Variants in PSMD12 observed in about 807,000 individuals in gnomAD.
PSMD12 encodes the protein proteasome 26S subunit, non-ATPase 12, also known as 26S proteasome non-ATPase regulatory subunit 12.
In PSMD12, 8 loss-of-function variants were observed where a neutral mutation model predicts 62.9. The observed-to-expected ratio is 0.13, with a 90% CI of 0.07 to 0.23. The LOEUF (loss-of-function observed/expected upper bound fraction) is 0.23. Among genes scored for constraint, PSMD12 ranks in the 10% least tolerant of loss-of-function variants. PSMD12 has a pLI of 1.00. For synonymous variants in PSMD12, 173 were observed against 187.4 expected, an observed-to-expected ratio of 0.92 and a Z score of 0.63; for missense variants, 424 against 550.2, an observed-to-expected ratio of 0.77 and a Z score of 2.29.
intron 7 of PSMD12, 58 bp downstream of exon 7, chr17:67,347,054 TAAAA>T: frequency 6.6e-7 from 1 of 1,509,074 alleles, no homozygotes; most frequent in Non-Finnish European, 8.9e-7. Context: ...GATTTGAAAA[TAAAA>T]AAAGCAAATT....
At chr17:67,356,006 A>ACACG (rs1327082401) in intron 3 of PSMD12, among the ~76,000 whole-genome samples, 10 of 149,286 alleles carry the variant, frequency 6.7e-5, no homozygotes, top group African/African-American at 2.5e-4. Flanking sequence ...ACACACACAC[A>ACACG]CACGCACACA....
At chr17:67,342,063 G>T in intron 10 of PSMD12, 123 bp downstream of exon 10, 1 of 738,510 alleles carries the variant, frequency 1.4e-6, no homozygotes, top group Non-Finnish European at 2.2e-6. Context: ...GATTGCTTGG[G>T]AAACTATTAC....
At chr17:67,356,580 A>AAAAAAAAG (rs2042076218) in intron 3 of PSMD12, among the ~76,000 whole-genome samples, 1 of 147,316 alleles carries the variant, frequency 6.8e-6, no homozygotes, top group Non-Finnish European at 1.5e-5. Flanking sequence ...AAAAAAAAAA[A>AAAAAAAAG]AAAAAAGAAA....
chr17:67,345,584 G>A, intron 8 of PSMD12, 161 bp downstream of exon 8: 1 of 593,662 alleles, frequency 1.7e-6, no homozygotes, highest in South Asian at 2.1e-5. Flanking sequence ...AGAAGTTGCA[G>A]TGAGCTGAGA....
intron 3 of PSMD12, among the ~76,000 whole-genome samples, chr17:67,352,596 AAAC>A (rs1477718185): frequency 2.0e-5 from 3 of 152,338 alleles, no homozygotes; most frequent in Admixed American, 1.3e-4. Flanking sequence ...ATGGGGTTAA[AAAC>A]AACAACTACA....
intron 1 of PSMD12, among the ~76,000 whole-genome samples, chr17:67,360,535 G>A (rs969470361): frequency 6.6e-6 from 1 of 152,096 alleles, no homozygotes; most frequent in Non-Finnish European, 1.5e-5. Context: ...AGTAGAATGC[G>A]AACTCTGTAA....
chr17:67,340,585 G>C lies in PSMD12; in HGVS notation c.*258C>G. 1 of 336,726 alleles carries C rather than the reference G, an allele frequency of 3.0e-6. No homozygotes were observed. The highest frequency in any genetic ancestry group is 5.3e-5 in the East Asian group (1 of 18,876). The allele number at this position is 336,726 out of a possible 1,614,324, so 20.9% of individuals were successfully genotyped here. Reference sequence around the variant, plus strand: ...GTAGCTAAAAAGGTTTCAAATGATAGAAAAACATATCTGGGTAAGTTATGA... The same window carrying C: ...GTAGCTAAAAAGGTTTCAAATGATACAAAAACATATCTGGGTAAGTTATGA... On this transcript the variant is annotated 3_prime_UTR_variant, in exon 11 of 11. Transcript: ENST00000356126.
intron 3 of PSMD12, 112 bp downstream of exon 3, chr17:67,357,191 G>T: frequency 1.6e-6 from 2 of 1,214,890 alleles, no homozygotes; most frequent in African/African-American, 1.5e-5. Context: ...ACACCCTCTA[G>T]GATGTTACAA....
intron 1 of PSMD12, among the ~76,000 whole-genome samples, chr17:67,361,916 AAGGAAGGGAGGG>A (rs1338787956): frequency 7.9e-6 from 1 of 126,372 alleles, no homozygotes; most frequent in Non-Finnish European, 1.6e-5. Flanking sequence ...AAAAGGAAGG[AAGGAAGGGAGGG>A]AGGGAGGGAG....
rs2041887151 is a variant in PSMD12, at chr17:67,339,208, AG to A, written c.*1634del. On this transcript the variant is annotated 3_prime_UTR_variant, in exon 11 of 11. Coordinates refer to ENST00000356126, the MANE Select transcript of PSMD12 (RefSeq NM_002816.5). Reference sequence around the variant, plus strand: ...CTGCAACCTCCGCCTCCTGGCTTCAAGGAATTCTCCCACCTCAGCCTCCCAA... The same window carrying A: ...CTGCAACCTCCGCCTCCTGGCTTCAAGAATTCTCCCACCTCAGCCTCCCAA... 2 of 152,050 alleles carry A rather than the reference AG, an allele frequency of 1.3e-5. No individual in the cohort carries two copies. Among genetic ancestry groups the A allele is most frequent in the African/African-American group, 4.8e-5 (2 of 41,388 alleles). The allele number at this position is 152,050 out of a possible 1,614,324, so 9.4% of individuals were successfully genotyped here.
At position 67,344,608 on chromosome 17, in the gene PSMD12, G is replaced by A; in HGVS notation, c.1081C>T (p.His361Tyr). The A allele has an allele frequency of 2.5e-6, 4 of 1,600,402 alleles. No individual in the cohort carries two copies. Among genetic ancestry groups the A allele is most frequent in the Non-Finnish European group, 2.6e-6 (3 of 1,171,792 alleles). The change falls in exon 9 of 11, where the codon CAT becomes TAT. Residue 361 changes from histidine to tyrosine, a missense_variant and splice_region_variant. Physicochemically the swap from His to Tyr is moderately conservative, Grantham distance 83. Coordinates refer to ENST00000356126, the MANE Select transcript of PSMD12 (RefSeq NM_002816.5). ...WKDLKNRVVE[H>Y]NIRIMAKYYT... ...TCATCTCTATGACAGATTCTTACAT[G>A]TTCAACAACTCTGTTCTTCAAGTCT... is the stretch of plus-strand genomic sequence containing the variant.
rs1269338909 is a variant in PSMD12, at chr17:67,339,160, T to A, written c.*1683A>T. 1.3e-5 allele frequency: 2 copies of A among 151,110 alleles called. No homozygotes were observed. Among genetic ancestry groups the A allele is most frequent in the African/African-American group, 4.9e-5 (2 of 41,010 alleles). 9.4% of individuals were successfully genotyped at this position (151,110 alleles called of 1,614,324 possible). A position where few individuals can be genotyped will look rare whatever the true frequency, so the allele number is the denominator to read the frequency against. Reference sequence around the variant, plus strand: ...TCTCACTCTGTCACCCAGGCTGGAGTGCAATGGTGTGATCTTGGCTCACTG... The same window carrying A: ...TCTCACTCTGTCACCCAGGCTGGAGAGCAATGGTGTGATCTTGGCTCACTG... On this transcript the variant is annotated 3_prime_UTR_variant, in exon 11 of 11. Transcript: ENST00000356126.
At chr17:67,366,189 G>A (rs190472145) in intron 1 of PSMD12, among the ~76,000 whole-genome samples, 187 of 152,338 alleles carry the variant, frequency 1.2e-3, no homozygotes, top group African/African-American at 4.1e-3. Flanking sequence ...ACGGAGGGAA[G>A]TGACCATCTG....
intron 1 of PSMD12, among the ~76,000 whole-genome samples, chr17:67,366,101 C>T (rs2143748427): frequency 6.6e-6 from 1 of 152,330 alleles, no homozygotes; most frequent in East Asian, 1.9e-4. Flanking sequence ...GGCCTTAACC[C>T]CTGGGAAACT....
chr17:67,355,768 C>G (rs1187137460), intron 3 of PSMD12, among the ~76,000 whole-genome samples: 1 of 152,074 alleles, frequency 6.6e-6, no homozygotes, highest in Non-Finnish European at 1.5e-5. Context: ...CACCAAAACA[C>G]TAAAAGAGAA....
rs35353017 is a variant in PSMD12 at position 67,356,557 on chromosome 17, C to CA, written c.297+745dup. 9.8e-3 allele frequency among the ~76,000 whole-genome samples: 147 copies of CA among 14,984 alleles called. 40 individuals carry two copies. Among genetic ancestry groups the CA allele is most frequent in the East Asian group, 0.072 (11 of 152 alleles). 9.8% of individuals were successfully genotyped at this position (14,984 alleles called of 152,430 possible). On this transcript the variant is annotated intron_variant, in intron 3 of 10. Coordinates refer to ENST00000356126, the MANE Select transcript of PSMD12 (RefSeq NM_002816.5). Reference sequence around the variant, plus strand: ...TGGGCGACAGAGCGAGACTCCGTCTCAAAAAAAAAAAAAAAAAAAAAAAAA... The same window carrying CA: ...TGGGCGACAGAGCGAGACTCCGTCTCAAAAAAAAAAAAAAAAAAAAAAAAAA...
chr17:67,362,162 A>G (rs936892980), intron 1 of PSMD12, among the ~76,000 whole-genome samples: 4 of 152,206 alleles, frequency 2.6e-5, no homozygotes, highest in African/African-American at 9.7e-5. Context: ...TGCCAAATAC[A>G]ACATAATCAA....
chr17:67,356,484 G>A (rs2042073673), intron 3 of PSMD12, among the ~76,000 whole-genome samples: 1 of 140,818 alleles, frequency 7.1e-6, no homozygotes, highest in African/African-American at 2.6e-5. Context: ...CGTGAACCCG[G>A]GAGGCGGAGC....
chr17:67,364,812 C>T (rs973819509), intron 1 of PSMD12, among the ~76,000 whole-genome samples: 1 of 152,172 alleles, frequency 6.6e-6, no homozygotes, highest in East Asian at 1.9e-4. Context: ...CGACAATACT[C>T]GGCCTTCATC....
Sources: allele counts gnomAD v4.1 joint callset (sites outside exome capture counted in the v4.1 genomes callset), GRCh38; gene constraint gnomAD v4.1.1; transcripts MANE v1.5; gene names NCBI Gene and HGNC (gene_info 2026-07-23, HGNC 2026-07-21).